The following CLIP2 variants were observed in gnomAD, a reference collection of about 807,000 sequenced individuals.
The protein encoded by CLIP2 is CAP-Gly domain-containing linker protein 2.
In CLIP2, 41 loss-of-function variants were observed where a neutral mutation model predicts 111.7. That is an observed-to-expected ratio of 0.37 (90% CI 0.29 to 0.48). The LOEUF is 0.48. Ranked by LOEUF, CLIP2 falls within the 20% of genes least tolerant of loss-of-function variation. The probability of loss-of-function intolerance (pLI) is 0.99; values close to 1 mark genes in which losing one functional copy is unlikely to be tolerated. For missense variants in CLIP2, 1,160 were observed against 1,422.1 expected (o/e 0.82, Z 2.96); for synonymous variants, 660 against 644.2 (o/e 1.02, Z -0.37).
intron 3 of CLIP2, among the ~76,000 whole-genome samples, chr7:74,347,615 G>C (rs1554306609): frequency 6.6e-6 from 1 of 152,202 alleles, no homozygotes; most frequent in African/African-American, 2.4e-5. Context: ...GGCTCCCTGA[G>C]CCCTGGCGGC....
intron 1 of CLIP2, among the ~76,000 whole-genome samples, chr7:74,310,036 C>CAAAAAAAAAAAAAAAAAAAAAAAAAAAA (rs71094774): frequency 1.1e-5 from 1 of 92,512 alleles, no homozygotes; most frequent in African/African-American, 6.2e-5. Context: ...CCTGTCTCTA[C>CAAAAAAAAAAAAAAAAAAAAAAAAAAAA]AAAAAAAAAA....
intron 9 of CLIP2, 107 bp downstream of exon 9, chr7:74,373,143 CTTTTTTATTTTTA>C: frequency 1.5e-6 from 1 of 663,314 alleles, no homozygotes. Flanking sequence ...CTGCTATCAT[CTTTTTTATTTTTA>C]TTTTTTATTT....
chr7:74,333,570 T>C (rs898542359), intron 2 of CLIP2, among the ~76,000 whole-genome samples: 3 of 150,462 alleles, frequency 2.0e-5, no homozygotes, highest in African/African-American at 7.4e-5. Context: ...CAGCCTCCAC[T>C]CCCTGGGCTC....
intron 11 of CLIP2, among the ~76,000 whole-genome samples, chr7:74,384,208 C>G (rs1355079544): frequency 6.6e-6 from 1 of 151,816 alleles, no homozygotes; most frequent in Non-Finnish European, 1.5e-5. Flanking sequence ...ACAACGACAA[C>G]AAAACAAAAC....
At chr7:74,322,287 G>A (rs1220055625) in intron 2 of CLIP2, among the ~76,000 whole-genome samples, 2 of 151,320 alleles carry the variant, frequency 1.3e-5, no homozygotes, top group African/African-American at 2.4e-5. Flanking sequence ...CACTGTGACC[G>A]GCCTCCATTT....
intron 3 of CLIP2, among the ~76,000 whole-genome samples, chr7:74,347,917 C>A (rs1554306698): frequency 6.6e-6 from 1 of 152,170 alleles, no homozygotes; most frequent in Non-Finnish European, 1.5e-5. Flanking sequence ...CGGGGGCTCA[C>A]ACCTGTAATC....
intron 13 of CLIP2, among the ~76,000 whole-genome samples, chr7:74,390,758 G>T (rs1304810644): frequency 7.6e-6 from 1 of 131,744 alleles, no homozygotes; most frequent in East Asian, 2.7e-4. Flanking sequence ...TGGGGGGGGT[G>T]GGTGGGGGAC....
At chr7:74,327,322 C>T (rs1167471312) in intron 2 of CLIP2, among the ~76,000 whole-genome samples, 1 of 151,996 alleles carries the variant, frequency 6.6e-6, no homozygotes, top group Non-Finnish European at 1.5e-5. Context: ...AGGCTGGTCT[C>T]GAACTCCTGA....
chr7:74,322,171 T>C (rs1442439614), intron 2 of CLIP2, among the ~76,000 whole-genome samples: 2 of 151,060 alleles, frequency 1.3e-5, no homozygotes, highest in Admixed American at 6.6e-5. Context: ...TTGTATTTTT[T>C]GGAGAGACGG....
At chr7:74,359,075 T>G (rs995897041) in intron 6 of CLIP2, among the ~76,000 whole-genome samples, 2 of 151,768 alleles carry the variant, frequency 1.3e-5, no homozygotes, top group Non-Finnish European at 2.9e-5. Context: ...GCAATTCTCC[T>G]GCCTCAGCGT....
chr7:74,367,690 A>G (rs1294280063), intron 8 of CLIP2, among the ~76,000 whole-genome samples: 1 of 152,176 alleles, frequency 6.6e-6, no homozygotes, highest in Admixed American at 6.5e-5. Flanking sequence ...ACCCAGGACC[A>G]CAGCCCAAAT....
At chr7:74,361,205 T>TTCCTTCCTTCCTTCCTTCTTTCCTTCCC (rs782265285) in intron 7 of CLIP2, among the ~76,000 whole-genome samples, 1 of 123,580 alleles carries the variant, frequency 8.1e-6, no homozygotes, top group Non-Finnish European at 1.7e-5. Context: ...CCTTCCTTCC[T>TTCCTTCCTTCCTTCCTTCTTTCCTTCCC]TCCCTCCCTC....
intron 7 of CLIP2, among the ~76,000 whole-genome samples, chr7:74,362,971 C>T (rs1341240559): frequency 1.3e-5 from 2 of 151,634 alleles, no homozygotes; most frequent in Admixed American, 6.6e-5. Flanking sequence ...ATGCCGAGAG[C>T]TGTTAGGAGG....
At chr7:74,377,478 G>T (rs1010893239) in intron 10 of CLIP2, among the ~76,000 whole-genome samples, 1 of 152,166 alleles carries the variant, frequency 6.6e-6, no homozygotes, top group African/African-American at 2.4e-5. Flanking sequence ...CATCCTCCCA[G>T]CCCCTCTGAG....
Position 74,376,704 on chromosome 7 carries a change from G to C in CLIP2, c.2303G>C (p.Arg768Pro). ...LAEKKMLDYE[R>P]LQRAEAQGKQ... ...GAGAAGAAGATGTTGGACTACGAGC[G>C]GCTGCAGCGGGCAGAAGCCCAGGGC... The change falls in exon 10 of 17, where the codon CGG (arginine) becomes CCG (proline). Residue 768 changes from arginine (R) to proline (P), a missense_variant. Physicochemically the swap from Arg to Pro is moderately radical, Grantham distance 103. This residue lies in a region of CLIP2 where 676 missense variants were observed against 777.8 expected (regional missense o/e 0.87). Coordinates refer to ENST00000223398, the MANE Select transcript of CLIP2 (RefSeq NM_003388.5). The surrounding 1 kb of genome is among the most constrained non-coding windows in gnomAD (Gnocchi z 7.1). The C allele has an allele frequency of 6.2e-7, 1 of 1,613,102 alleles. No individual in the cohort carries two copies. The highest frequency in any genetic ancestry group is 2.2e-5 in the East Asian group (1 of 44,864).
rs1208162545 is a variant in CLIP2 at position 74,338,105 on chromosome 7, A to C, written c.122-343A>C. Among the ~76,000 whole-genome samples the C allele has an allele frequency of 1.3e-5, 2 of 152,088 alleles. No homozygotes were observed. The highest frequency in any genetic ancestry group is 2.9e-5 in the Non-Finnish European group (2 of 68,016). ...GTGGTTTCAGCTACTCGGGAGGCTG[A>C]GGTAGAGGATTGCTGGAGCCCAGGA... On this transcript the variant is annotated intron_variant, in intron 2 of 16. Transcript: ENST00000223398. This position sits in a 1 kb window ranked among gnomAD's most constrained non-coding sequence, Gnocchi z 4.3.
intron 2 of CLIP2, among the ~76,000 whole-genome samples, chr7:74,334,061 AC>A (rs2116545343): frequency 6.6e-6 from 1 of 152,186 alleles, no homozygotes; most frequent in African/African-American, 2.4e-5. Context: ...GCTATTTCTG[AC>A]CTAGTCCTTT....
intron 3 of CLIP2, among the ~76,000 whole-genome samples, chr7:74,351,599 G>T (rs181759724): frequency 1.8e-4 from 27 of 152,212 alleles, no homozygotes; most frequent in African/African-American, 6.5e-4. Context: ...ACTTTGGGAG[G>T]CTAAGGAGGG....
At chr7:74,402,098 C>T (rs116287329) in intron 16 of CLIP2, among the ~76,000 whole-genome samples, 3,340 of 151,974 alleles carry the variant, frequency 0.022, 117 homozygotes, top group African/African-American at 0.076. Context: ...CTCCATCTGG[C>T]GGGCGGATCA....
Sources: allele counts gnomAD v4.1 joint callset (sites outside exome capture counted in the v4.1 genomes callset), GRCh38; gene constraint gnomAD v4.1.1; regional missense constraint gnomAD v4.1.1; non-coding constraint Gnocchi (gnomAD v3.1); transcripts MANE v1.5; gene names NCBI Gene and HGNC (gene_info 2026-07-23, HGNC 2026-07-21).